Variants in PKD1L3 observed in about 807,000 individuals in gnomAD.
The protein encoded by PKD1L3 is polycystin 1 like 3, transient receptor potential channel interacting.
PKD1L3 carries 239 observed loss-of-function variants against 184.1 expected under a neutral mutation model. The ratio of observed to expected loss-of-function variants is 1.30; its 90% CI spans 1.17 to 1.45. PKD1L3 has a LOEUF of 1.45. PKD1L3 is among the 40% of genes most tolerant of loss of function. The pLI is 0.00. For missense variants in PKD1L3, 2,660 were observed against 2,067.2 expected, an observed-to-expected ratio of 1.29 and a Z score of -5.56; for synonymous variants, 996 against 778.8, an observed-to-expected ratio of 1.28 and a Z score of -4.64.
chr16:71,936,676 G>A (rs995834942), intron 25 of PKD1L3, among the ~76,000 whole-genome samples: 7 of 150,790 alleles, frequency 4.6e-5, no homozygotes, highest in Admixed American at 4.0e-4. Context: ...TAGTAGAGAC[G>A]GCATTTCTCT....
intron 17 of PKD1L3, among the ~76,000 whole-genome samples, 169 bp downstream of exon 17, chr16:71,953,936 C>A (rs2038947062): frequency 6.6e-6 from 1 of 152,000 alleles, no homozygotes; most frequent in African/African-American, 2.4e-5. Context: ...GCATAGTAGG[C>A]TGGGCATGGT....
chr16:71,939,307 C>T (rs149758253), intron 24 of PKD1L3, among the ~76,000 whole-genome samples: 3 of 152,298 alleles, frequency 2.0e-5, no homozygotes, highest in Non-Finnish European at 4.4e-5. Context: ...TGTCTCTTGG[C>T]AGGTGTGGGA....
chr16:71,977,198 A>T, intron 11 of PKD1L3, 38 bp downstream of exon 11: 1 of 1,428,264 alleles, frequency 7.0e-7, no homozygotes, highest in Non-Finnish European at 9.7e-7. Flanking sequence ...AGGCAAAAAG[A>T]AATCAAAGTA....
chr16:71,961,093 G>C (rs2039260379), intron 16 of PKD1L3, among the ~76,000 whole-genome samples: 1 of 151,694 alleles, frequency 6.6e-6, no homozygotes, highest in Non-Finnish European at 1.5e-5. Flanking sequence ...TTCTTGCTGA[G>C]AGTCCATGAT....
rs188435489 is a variant in PKD1L3 at position 71,935,379 on chromosome 16, C to T, written c.4592G>A (p.Arg1531Gln). The T allele has an allele frequency of 1.5e-5, 24 of 1,551,648 alleles. No homozygotes were observed. The African/African-American group carries it at 2.5e-4, about 16-fold the overall frequency. Residue 1531 changes from arginine (R) to glutamine (Q), a missense_variant, in exon 26 of 30, where the codon CGA (arginine) becomes CAA (glutamine). Coordinates refer to ENST00000620267, the MANE Select transcript of PKD1L3 (RefSeq NM_181536.2). The stretch of plus-strand genomic sequence containing the variant: ...TCACCTGTCCTGGTCATCGCGGTAT[C>T]GTGCCATGTTTTTCTTATGTAGAGA... ...SISLHKKNMA[R>Q]YRDDQDRFIS...
In PKD1L3 at chr16:71,986,291, G is replaced by A. The variant is rs1390903422; in HGVS notation, c.764C>T (p.Pro255Leu). Residue 255 changes from proline to leucine, a missense_variant, in exon 5 of 30, where the codon CCA (proline) becomes CTA (leucine). Transcript: ENST00000620267. ...GGTATTCGGATGACCTTCTTCCTTT[G>A]GGCTTGAAGTTGTTTCTGCCAGAGA... The part of the protein sequence containing the change: ...GQSLAETTSS[P>L]KEEGHPNTFT... 6.4e-7 allele frequency: 1 copy of A among 1,552,156 alleles called. No individual in the cohort carries two copies. The highest frequency in any genetic ancestry group is 2.4e-5 in the East Asian group (1 of 40,916).
rs2038772257 is a variant in PKD1L3, at chr16:71,950,084, C to G, written c.3383+34G>C. ...CTGAGATAGAGGATGAGGAAGATTA[C>G]AGGGGATAAAGAAGGCTTGGTGTGG... On this transcript the variant is annotated intron_variant, in intron 20 of 29. Coordinates refer to ENST00000620267, the MANE Select transcript of PKD1L3 (RefSeq NM_181536.2). 5 of 1,548,522 alleles carry G rather than the reference C, an allele frequency of 3.2e-6. No homozygotes were observed. The East Asian group carries it at 1.2e-4, about 38-fold the overall frequency.
In PKD1L3 at chr16:71,937,818, G is replaced by C. The variant is rs939592745; in HGVS notation, c.4325-399C>G. Among the ~76,000 whole-genome samples the C allele has an allele frequency of 5.1e-4, 78 of 152,150 alleles. 1 individual carries two copies. The highest frequency in any genetic ancestry group is 1.0e-4 in the Non-Finnish European group (7 of 68,032). ...CATTTACATAAGGATGGACTAAAAG[G>C]CTTCAGCCTCCACCTGGAAGGACAT... On this transcript the variant is annotated intron_variant, in intron 24 of 29. Transcript: ENST00000620267.
chr16:71,984,091 C>G lies in PKD1L3; in HGVS notation c.911G>C (p.Cys304Ser). The G allele has an allele frequency of 6.4e-7, 1 of 1,552,276 alleles. No individual in the cohort carries two copies. Among genetic ancestry groups the G allele is most frequent in the South Asian group, 1.2e-5 (1 of 84,066 alleles). ...LQALNKLQEA[C>S]EFLQKLTALT... ...GGCTGTTAGTTTCTGGAGGAACTCA[C>G]AAGCTTCCTGTAGTTTGTTAAGAGC... Residue 304 changes from cysteine (C) to serine (S), a missense_variant, in exon 6 of 30, where the codon TGT becomes TCT. By Grantham distance (112) the Cys-to-Ser change is moderately radical (BLOSUM62 -1). Transcript: ENST00000620267.
In PKD1L3 at chr16:72,000,111, AGGTTTTGTT is replaced by A. The variant is rs549382746; in HGVS notation, c.-142_-134del. On this transcript the variant is annotated 5_prime_UTR_variant, in exon 1 of 30. Coordinates refer to ENST00000620267, the MANE Select transcript of PKD1L3 (RefSeq NM_181536.2). Reference sequence around the variant, plus strand: ...GGGAACAATTTACCAAGGATACAAAAGGTTTTGTTTTGAGGACCCAGGTGCAGGTCCTAC... The same window carrying A: ...GGGAACAATTTACCAAGGATACAAAATTGAGGACCCAGGTGCAGGTCCTAC... The A allele has an allele frequency of 0.011, 8,768 of 828,152 alleles. 560 individuals carry two copies. The African/African-American group carries it at 0.14, about 13-fold the overall frequency. 51.3% of individuals were successfully genotyped at this position (828,152 alleles called of 1,614,324 possible).
chr16:71,949,097 G>A (rs1442692811), intron 21 of PKD1L3, among the ~76,000 whole-genome samples: 1 of 152,248 alleles, frequency 6.6e-6, no homozygotes, highest in Non-Finnish European at 1.5e-5. Context: ...CCATGAGTTG[G>A]TTATTGTTGA....
chr16:71,943,939 C>A (rs1332995132), intron 23 of PKD1L3, 91 bp downstream of exon 23: 3 of 1,386,322 alleles, frequency 2.2e-6, no homozygotes, highest in Non-Finnish European at 2.9e-6. Flanking sequence ...AGCTTTTTAA[C>A]CCTTCTTTAT....
chr16:71,930,436 A>AT (rs1948838012), intron 28 of PKD1L3: 1 of 312,150 alleles, frequency 3.2e-6, no homozygotes, highest in Admixed American at 4.8e-5. Context: ...TTGCAGTGGA[A>AT]TTGGAAATGA....
intron 16 of PKD1L3, among the ~76,000 whole-genome samples, chr16:71,959,196 G>A (rs1378346375): frequency 6.6e-6 from 1 of 151,948 alleles, no homozygotes; most frequent in East Asian, 1.9e-4. Context: ...TGGATCACCT[G>A]AGGTCAGGAG....
At chr16:71,968,036 A>C (rs2039567230) in intron 13 of PKD1L3, 29 bp from the exon 14 acceptor site, 1 of 1,516,200 alleles carries the variant, frequency 6.6e-7, no homozygotes, top group Non-Finnish European at 9.0e-7. Context: ...CATGCAACTT[A>C]CTAGGCCTCC....
rs752525426 is a variant in PKD1L3 at position 71,941,349 on chromosome 16, GAA to G, written c.4324+1209_4324+1210del. Among the ~76,000 whole-genome samples, 14 of 151,204 alleles carry G rather than the reference GAA, an allele frequency of 9.3e-5. No individual in the cohort carries two copies. The South Asian group carries it at 2.9e-3, about 31-fold the overall frequency. Reference sequence around the variant, plus strand: ...ATTTGGAAATTAAATATTATAGAAAGAAAAAATAGTTTAGAAGATAAAAATTA... The same window carrying G: ...ATTTGGAAATTAAATATTATAGAAAGAAAATAGTTTAGAAGATAAAAATTA... On this transcript the variant is annotated intron_variant, in intron 24 of 29. Transcript: ENST00000620267.
At chr16:71,957,335 A>C (rs2039086480) in intron 16 of PKD1L3, among the ~76,000 whole-genome samples, 1 of 152,196 alleles carries the variant, frequency 6.6e-6, no homozygotes, top group South Asian at 2.1e-4. Context: ...ACAAATAGCA[A>C]AATGGCAGAT....
rs1265229630 is a variant in PKD1L3, at chr16:71,977,275, G to A, written c.1720C>T (p.Leu574=). The stretch of plus-strand genomic sequence containing the variant: ...TTATCCTTTGGAAGGGTGATGTTCA[G>A]GTGGAAGTGAGTGCAGTTAGGCTGA... ...QYQPNCTHFH[L]NITLPKDKVW... Residue 574 remains leucine (L), a synonymous_variant, in exon 11 of 30, where the codon CTG becomes TTG. Transcript: ENST00000620267. 1.3e-6 allele frequency: 2 copies of A among 1,536,926 alleles called. No individual in the cohort carries two copies. Among genetic ancestry groups the A allele is most frequent in the Admixed American group, 3.9e-5 (2 of 50,952 alleles).
chr16:71,934,013 T>C lies in PKD1L3; in HGVS notation c.4726A>G (p.Arg1576Gly), dbSNP rs117557995. ...AGTGTCCTGCTGATGACCCGCAGCC[T>C]GGGGCTATGACGCAGCAGGTTCCAT... ...QLWNLLRHSP[R>G]LRVISRTLSR... Residue 1576 changes from arginine to glycine, a missense_variant, in exon 27 of 30, where the codon AGG becomes GGG. Arg to Gly is a moderately radical substitution (Grantham distance 125). Transcript: ENST00000620267. 388 of 1,551,682 alleles carry C rather than the reference T, an allele frequency of 2.5e-4. 1 individual carries two copies. The East Asian group carries it at 8.5e-3, about 34-fold the overall frequency.
Sources: allele counts gnomAD v4.1 joint callset (sites outside exome capture counted in the v4.1 genomes callset), GRCh38; gene constraint gnomAD v4.1.1; transcripts MANE v1.5; gene names NCBI Gene and HGNC (gene_info 2026-07-23, HGNC 2026-07-21).